ZMAT4: variants seen among roughly 807,000 people sequenced by gnomAD.
ZMAT4 encodes the protein zinc finger matrin-type 4.
ZMAT4 carries 17 observed loss-of-function variants against 28.7 expected under a neutral mutation model. That is an observed-to-expected ratio of 0.59 (90% CI 0.41 to 0.89). The LOEUF (loss-of-function observed/expected upper bound fraction) is 0.89. ZMAT4 is among the 40% of genes least tolerant of loss of function. The probability of loss-of-function intolerance (pLI) is 0.00; values close to 1 mark genes in which losing one functional copy is unlikely to be tolerated. For missense variants in ZMAT4, 240 were observed against 283.8 expected (o/e 0.85, Z 1.11); for synonymous variants, 117 against 109.2 (o/e 1.07, Z -0.44).
intron 3 of ZMAT4, among the ~76,000 whole-genome samples, chr8:40,748,440 A>G (rs570925903): frequency 1.3e-5 from 2 of 152,292 alleles, no homozygotes; most frequent in African/African-American, 4.8e-5. Context: ...CACCACCCAT[A>G]AGCAGAAAGG....
intron 4 of ZMAT4, among the ~76,000 whole-genome samples, chr8:40,695,508 C>T (rs908527646): frequency 3.3e-5 from 5 of 152,224 alleles, no homozygotes; most frequent in African/African-American, 9.6e-5. Context: ...CTATTCGTTC[C>T]CTTCTTGCCT....
intron 3 of ZMAT4, among the ~76,000 whole-genome samples, chr8:40,760,870 A>G (rs1812910843): frequency 6.6e-6 from 1 of 152,154 alleles, no homozygotes; most frequent in Admixed American, 6.6e-5. Flanking sequence ...TGGCCAACGT[A>G]GAATTGACAG....
chr8:40,642,849 A>G (rs1294978946), intron 5 of ZMAT4, among the ~76,000 whole-genome samples: 3 of 152,334 alleles, frequency 2.0e-5, no homozygotes, highest in Non-Finnish European at 4.4e-5. Context: ...CATATAAGCC[A>G]TATTTCATGA....
At chr8:40,756,013 G>A (rs1368128116) in intron 3 of ZMAT4, among the ~76,000 whole-genome samples, 1 of 152,042 alleles carries the variant, frequency 6.6e-6, no homozygotes, top group Non-Finnish European at 1.5e-5. Context: ...GACTATAGAA[G>A]TTGCAAATTA....
chr8:40,688,232 T>C (rs1809503433), intron 4 of ZMAT4, among the ~76,000 whole-genome samples: 1 of 152,054 alleles, frequency 6.6e-6, no homozygotes, highest in Admixed American at 6.6e-5. Context: ...CCCAGACAGG[T>C]GGATCACAAG....
chr8:40,830,212 G>A (rs767490400), intron 1 of ZMAT4, among the ~76,000 whole-genome samples: 60 of 152,102 alleles, frequency 3.9e-4, no homozygotes, highest in Non-Finnish European at 8.2e-4. Context: ...TAGGTTCAGG[G>A]GGTACAGGTG....
At chr8:40,619,975 T>A (rs1051998771) in intron 5 of ZMAT4, among the ~76,000 whole-genome samples, 4 of 152,214 alleles carry the variant, frequency 2.6e-5, no homozygotes, top group African/African-American at 9.6e-5. Flanking sequence ...AGTGAATCAC[T>A]TATAACAAGG....
chr8:40,593,148 G>A (rs925639201), intron 5 of ZMAT4, among the ~76,000 whole-genome samples: 3 of 152,088 alleles, frequency 2.0e-5, no homozygotes, highest in East Asian at 1.9e-4. Context: ...CATAGATCTC[G>A]TCGGATATAG....
At chr8:40,734,984 T>G (rs755966096) in intron 3 of ZMAT4, among the ~76,000 whole-genome samples, 2 of 152,224 alleles carry the variant, frequency 1.3e-5, no homozygotes, top group Non-Finnish European at 2.9e-5. Context: ...TCAGACTCTT[T>G]GTTGTGGGAA....
rs574138871 is a variant in ZMAT4 at position 40,697,115 on chromosome 8, T to C, written c.349+130A>G. On this transcript the variant is annotated intron_variant, in intron 4 of 6. Transcript: ENST00000297737. ...CTGCTGAGGTCAGCCACTCATCCCT[T>C]TAGGCTTTGAATGACGTCTACCATT... is the stretch of plus-strand genomic sequence containing the variant. 2.0e-4 allele frequency: 230 copies of C among 1,135,276 alleles called. 2 individuals are homozygous for C. In the South Asian group the frequency reaches 3.9e-3, roughly 19 times the overall value. The allele number at this position is 1,135,276 out of a possible 1,614,324, so 70.3% of individuals were successfully genotyped here.
At chr8:40,806,155 T>C (rs929294724) in intron 2 of ZMAT4, among the ~76,000 whole-genome samples, 2 of 152,202 alleles carry the variant, frequency 1.3e-5, no homozygotes, top group African/African-American at 4.8e-5. Flanking sequence ...TTGTAGAATG[T>C]CAAAGTTATA....
At chr8:40,853,750 C>T (rs966283752) in intron 1 of ZMAT4, among the ~76,000 whole-genome samples, 14 of 152,128 alleles carry the variant, frequency 9.2e-5, no homozygotes, top group Non-Finnish European at 1.8e-4. Flanking sequence ...GCTTTTACCT[C>T]ATCAGTCTAA....
intron 2 of ZMAT4, among the ~76,000 whole-genome samples, chr8:40,799,586 T>C (rs1414912374): frequency 6.6e-6 from 1 of 152,146 alleles, no homozygotes; most frequent in Non-Finnish European, 1.5e-5. Context: ...TTTAAAACAA[T>C]TTTTAAAATG....
intron 3 of ZMAT4, among the ~76,000 whole-genome samples, chr8:40,718,760 C>T (rs1295950496): frequency 6.6e-6 from 1 of 152,068 alleles, no homozygotes; most frequent in African/African-American, 2.4e-5. Flanking sequence ...TGCAAACAGC[C>T]CATCTAAACC....
At chr8:40,859,456 GCA>G (rs71546312) in intron 1 of ZMAT4, among the ~76,000 whole-genome samples, 10 of 148,542 alleles carry the variant, frequency 6.7e-5, no homozygotes, top group Admixed American at 3.3e-4. Flanking sequence ...GTCTAGCAAC[GCA>G]CACACACACA....
At chr8:40,677,451 G>T (rs906995823) in intron 4 of ZMAT4, among the ~76,000 whole-genome samples, 41 of 152,158 alleles carry the variant, frequency 2.7e-4, no homozygotes, top group Non-Finnish European at 4.7e-4. Context: ...CACTATCAGT[G>T]AGCTGTGTGA....
rs576266584 is a variant in ZMAT4 at position 40,739,811 on chromosome 8, G to A, written c.192+27830C>T. On this transcript the variant is annotated intron_variant, in intron 3 of 6. Coordinates refer to ENST00000297737, the MANE Select transcript of ZMAT4 (RefSeq NM_024645.3). The stretch of plus-strand genomic sequence containing the variant: ...TCCCTCCCTTTGCCTCCCACCCGCC[G>A]ACAGGCCCCGGTGTATGATATTCCC... Among the ~76,000 whole-genome samples, 14 of 152,136 alleles carry A rather than the reference G, an allele frequency of 9.2e-5. No homozygotes were observed. In the South Asian group the frequency reaches 1.5e-3, roughly 16 times the overall value.
chr8:40,552,602 G>A (rs1803398760), intron 6 of ZMAT4, among the ~76,000 whole-genome samples: 1 of 152,144 alleles, frequency 6.6e-6, no homozygotes, highest in Admixed American at 6.5e-5. Flanking sequence ...AAAGGAGACA[G>A]TGTATGAAAA....
intron 3 of ZMAT4, among the ~76,000 whole-genome samples, chr8:40,753,445 T>A (rs1235586737): frequency 6.6e-6 from 1 of 152,198 alleles, no homozygotes; most frequent in Non-Finnish European, 1.5e-5. Flanking sequence ...CCTTCTCTGA[T>A]TCCAAAGACC....
Sources: allele counts gnomAD v4.1 joint callset (sites outside exome capture counted in the v4.1 genomes callset), GRCh38; gene constraint gnomAD v4.1.1; transcripts MANE v1.5; gene names NCBI Gene and HGNC (gene_info 2026-07-23, HGNC 2026-07-21).